Variants in PLEKHA6 observed in about 807,000 individuals in gnomAD.
PLEKHA6 encodes the protein pleckstrin homology domain containing A6, also known as pleckstrin homology domain-containing family A member 6.
In PLEKHA6, 60 loss-of-function variants were observed where a neutral mutation model predicts 116.7. The ratio of observed to expected loss-of-function variants is 0.51; its 90% CI spans 0.42 to 0.64. The LOEUF (loss-of-function observed/expected upper bound fraction) is 0.64, where lower values mean the gene tolerates loss of function less well. Ranked by LOEUF, PLEKHA6 falls within the 30% of genes least tolerant of loss-of-function variation. The probability of loss-of-function intolerance (pLI) is 0.00; values close to 1 mark genes in which losing one functional copy is unlikely to be tolerated. For synonymous variants in PLEKHA6, 489 were observed against 556.1 expected, an observed-to-expected ratio of 0.88 and a Z score of 1.70; for missense variants, 1,338 against 1,422.7, an observed-to-expected ratio of 0.94 and a Z score of 0.96.
chr1:204,309,223 G>T (rs768570064), intron 1 of PLEKHA6: 2 of 181,056 alleles, frequency 1.1e-5, no homozygotes, highest in Non-Finnish European at 2.1e-5. Flanking sequence ...TCAACCTCCA[G>T]GCTCCAAGCT....
In PLEKHA6 at chr1:204,312,865, T is replaced by A. The variant is rs1362871270; in HGVS notation, c.-94-38056A>T. On this transcript the variant is annotated intron_variant, in intron 1 of 22. Coordinates refer to ENST00000272203, the MANE Select transcript of PLEKHA6 (RefSeq NM_014935.5). ...CATTTTCTTTTCTTTTCTTTTCTTT[T>A]CTTTTCTTTTCTTTTCTTTTCTTTT... Among the ~76,000 whole-genome samples, 5 of 150,740 alleles carry A rather than the reference T, an allele frequency of 3.3e-5. No homozygotes were observed. The East Asian group carries it at 9.8e-4, about 30-fold the overall frequency.
intron 3 of PLEKHA6, 74 bp downstream of exon 3, chr1:204,273,552 A>C (rs958346300): frequency 2.4e-5 from 24 of 997,732 alleles, no homozygotes; most frequent in Non-Finnish European, 3.5e-5. Context: ...ATTTCCTAGG[A>C]TTCCCAGAGA....
At chr1:204,323,407 T>A (rs938550305) in intron 1 of PLEKHA6, among the ~76,000 whole-genome samples, 19 of 152,220 alleles carry the variant, frequency 1.2e-4, no homozygotes, top group African/African-American at 4.6e-4. Flanking sequence ...TCCCAGCTGG[T>A]TACCAGCTGA....
rs1666113959 is a variant in PLEKHA6 at position 204,261,502 on chromosome 1, C to G, written c.382-54G>C. On this transcript the variant is annotated intron_variant, in intron 6 of 22. Coordinates refer to ENST00000272203, the MANE Select transcript of PLEKHA6 (RefSeq NM_014935.5). The surrounding 1 kb of genome is among the most constrained non-coding windows in gnomAD (Gnocchi z 4.0). Reference sequence around the variant, plus strand: ...GCCTCGGCCTCATCCACCCAGCACACAGTCACCTGTTGGGAGAAGACACCA... The same window carrying G: ...GCCTCGGCCTCATCCACCCAGCACAGAGTCACCTGTTGGGAGAAGACACCA... 1 of 1,543,054 alleles carries G rather than the reference C, an allele frequency of 6.5e-7. No individual in the cohort carries two copies. The highest frequency in any genetic ancestry group is 1.3e-5 in the South Asian group (1 of 79,610).
intron 1 of PLEKHA6, among the ~76,000 whole-genome samples, chr1:204,279,940 T>A (rs1668423093): frequency 6.6e-6 from 1 of 152,168 alleles, no homozygotes; most frequent in African/African-American, 2.4e-5. Context: ...GCAGAAGAGA[T>A]AATGGCTATG....
At chr1:204,241,959 G>A in intron 15 of PLEKHA6, 145 bp from the exon 16 acceptor site, 3 of 865,480 alleles carry the variant, frequency 3.5e-6, no homozygotes, top group Middle Eastern at 2.3e-4. Flanking sequence ...TGCCGCCTGG[G>A]AGGCGGACAG....
intron 1 of PLEKHA6, chr1:204,320,421 C>T: frequency 1.1e-6 from 1 of 889,658 alleles, no homozygotes; most frequent in Non-Finnish European, 1.3e-6. Flanking sequence ...ATACTCGCAG[C>T]TCAGCTCCCC....
At chr1:204,370,222 A>G (rs1312689622) in intron 2 of PLEKHA6, among the ~76,000 whole-genome samples, 1 of 152,270 alleles carries the variant, frequency 6.6e-6, no homozygotes, top group African/African-American at 2.4e-5. Flanking sequence ...GAACTCCATG[A>G]TCCCTGAAGT....
At chr1:204,297,792 C>T in intron 1 of PLEKHA6, 1 of 633,528 alleles carries the variant, frequency 1.6e-6, no homozygotes, top group Non-Finnish European at 2.0e-6. Context: ...CTCTACATTG[C>T]TAACTATGAG....
At chr1:204,245,071 G>A in intron 14 of PLEKHA6, 68 bp from the exon 15 acceptor site, 3 of 1,082,356 alleles carry the variant, frequency 2.8e-6, no homozygotes, top group Non-Finnish European at 3.7e-6. Context: ...GATGGGCACT[G>A]TGAGTGGAGG....
chr1:204,282,607 A>T (rs1572053872), intron 1 of PLEKHA6: 6 of 976,228 alleles, frequency 6.1e-6, no homozygotes, highest in Non-Finnish European at 7.3e-6. Flanking sequence ...ATTATTGAAT[A>T]TCATTCCCGG....
chr1:204,309,770 C>T (rs1671590774), intron 1 of PLEKHA6: 30 of 827,590 alleles, frequency 3.6e-5, no homozygotes, highest in Non-Finnish European at 4.4e-5. Flanking sequence ...ATGTTAACTA[C>T]CAATATTATA....
At chr1:204,314,081 C>G (rs1172410809) in intron 1 of PLEKHA6, among the ~76,000 whole-genome samples, 1 of 152,142 alleles carries the variant, frequency 6.6e-6, no homozygotes. Flanking sequence ...TGGGGAGGGA[C>G]AGGATCTTCT....
chr1:204,234,982 ATATATATATATATATATATATATATATAT>A (rs1661781998), intron 17 of PLEKHA6, among the ~76,000 whole-genome samples: 1 of 19,968 alleles, frequency 5.0e-5, no homozygotes, highest in African/African-American at 1.9e-4. Context: ...ATATATATAT[ATATATATATATATATATATATATATATAT>A]ATCTAATAGC....
chr1:204,235,804 A>G (rs1360185131), intron 17 of PLEKHA6, among the ~76,000 whole-genome samples: 1 of 152,170 alleles, frequency 6.6e-6, no homozygotes, highest in Non-Finnish European at 1.5e-5. Context: ...CAATAGTGGC[A>G]ACATCCCCTC....
At chr1:204,265,575 C>T (rs1356815756) in intron 5 of PLEKHA6, among the ~76,000 whole-genome samples, 2 of 152,226 alleles carry the variant, frequency 1.3e-5, no homozygotes, top group Non-Finnish European at 2.9e-5. Context: ...TTGTTGACCA[C>T]TATCCTATCT....
Position 204,299,677 on chromosome 1 carries a change from C to T in PLEKHA6, c.-94-24868G>A, listed in dbSNP as rs1670628752. On this transcript the variant is annotated intron_variant, in intron 1 of 22. Transcript: ENST00000272203. ...TCTACTGTCTTAGGGCCTCACAGTT[C>T]TCTCAGGCTAAGAGGTTTAACCTGC... 5.1e-6 allele frequency: 5 copies of T among 983,250 alleles called. No homozygotes were observed. The South Asian group carries it at 1.4e-4, about 28-fold the overall frequency. The allele number at this position is 983,250 out of a possible 1,614,324, so 60.9% of individuals were successfully genotyped here.
At chr1:204,333,144 A>C (rs1363929425) in intron 1 of PLEKHA6, among the ~76,000 whole-genome samples, 1 of 152,176 alleles carries the variant, frequency 6.6e-6, no homozygotes, top group Non-Finnish European at 1.5e-5. Flanking sequence ...CCCCAGCTCC[A>C]CCAGGCGGGA....
intron 1 of PLEKHA6, among the ~76,000 whole-genome samples, chr1:204,339,395 C>G (rs981308609): frequency 6.6e-6 from 1 of 152,194 alleles, no homozygotes; most frequent in Non-Finnish European, 1.5e-5. Flanking sequence ...AATACATAAC[C>G]GGAACACTAA....
Sources: gnomAD v4.1 joint callset for allele counts (sites outside exome capture counted in the v4.1 genomes callset) on GRCh38, gnomAD v4.1.1 for gene constraint, Gnocchi (gnomAD v3.1) non-coding constraint, MANE v1.5 for transcripts, NCBI Gene and HGNC (gene_info 2026-07-23, HGNC 2026-07-21) for gene names.